The following ZNF611 variants were observed in gnomAD, a reference collection of about 807,000 sequenced individuals.
ZNF611 encodes the protein zinc finger protein 611.
A neutral mutation model predicts 8.9 loss-of-function variants in ZNF611; 6 were observed. The ratio of observed to expected loss-of-function variants is 0.68; its 90% CI spans 0.37 to 1.34. The LOEUF is 1.34. ZNF611 is among the 40% of genes most tolerant of loss of function. The pLI, the probability that ZNF611 is intolerant of heterozygous loss-of-function variation, is 0.02. For missense variants in ZNF611, 874 were observed against 841.3 expected (o/e 1.04, Z -0.48); for synonymous variants, 262 against 279.7 (o/e 0.94, Z 0.63).
At chr19:52,716,111 C>G (rs2062315597) in intron 3 of ZNF611, 198 bp from the exon 4 acceptor site, 1 of 596,280 alleles carries the variant, frequency 1.7e-6, no homozygotes, top group Admixed American at 3.1e-5. Flanking sequence ...CAGATCTCAC[C>G]TCTCTCCTGG....
chr19:52,712,500 A>G (rs919819227), intron 5 of ZNF611, among the ~76,000 whole-genome samples: 14 of 139,850 alleles, frequency 1.0e-4, no homozygotes, highest in Admixed American at 1.5e-4. Flanking sequence ...TTGGCCGGGC[A>G]TGGTGATGCA....
At chr19:52,732,176 A>C (rs2062429756) in intron 1 of ZNF611, among the ~76,000 whole-genome samples, 1 of 152,054 alleles carries the variant, frequency 6.6e-6, no homozygotes, top group Non-Finnish European at 1.5e-5. Flanking sequence ...AGGCTGAGGC[A>C]GGAGAATGGC....
At position 52,704,561 on chromosome 19, in the gene ZNF611, T is replaced by A. The variant is rs944898665; in HGVS notation, c.*376A>T. ...GTATGAGTTCACCGATGACCTGCAA[T>A]ATGTGAACGATCTCTGAAAAATTTG... On this transcript the variant is annotated 3_prime_UTR_variant, in exon 6 of 6. Coordinates refer to ENST00000652185, the MANE Select transcript of ZNF611 (RefSeq NM_001161499.2). The A allele has an allele frequency of 4.2e-6, 6 of 1,426,468 alleles. No homozygotes were observed. In the African/African-American group the frequency reaches 8.4e-5, roughly 20 times the overall value. The allele number at this position is 1,426,468 out of a possible 1,614,324, so 88.4% of individuals were successfully genotyped here.
intron 4 of ZNF611, among the ~76,000 whole-genome samples, chr19:52,714,442 C>A (rs1340742877): frequency 6.6e-6 from 1 of 151,938 alleles, no homozygotes; most frequent in East Asian, 1.9e-4. Flanking sequence ...AATCCCAACA[C>A]TTCAGGAGGC....
Position 52,704,432 on chromosome 19 carries a change from A to T in ZNF611, c.*505T>A, listed in dbSNP as rs1290998046. 1 of 711,962 alleles carries T rather than the reference A, an allele frequency of 1.4e-6. No individual in the cohort carries two copies. The highest frequency in any genetic ancestry group is 1.7e-5 in the African/African-American group (1 of 57,622). The allele number at this position is 711,962 out of a possible 1,614,324, so 44.1% of individuals were successfully genotyped here. Reference sequence around the variant, plus strand: ...GCAAAGGCTTTGCCACAATCATCACACTTGTGAGGTTTCTCTCCTGTATAA... The same window carrying T: ...GCAAAGGCTTTGCCACAATCATCACTCTTGTGAGGTTTCTCTCCTGTATAA... On this transcript the variant is annotated 3_prime_UTR_variant, in exon 6 of 6. Coordinates refer to ENST00000652185, the MANE Select transcript of ZNF611 (RefSeq NM_001161499.2).
At chr19:52,731,694 G>C (rs2062426497) in intron 1 of ZNF611, among the ~76,000 whole-genome samples, 1 of 152,092 alleles carries the variant, frequency 6.6e-6, no homozygotes. Context: ...CTATGGGCTA[G>C]GCGTGGTGGC....
At chr19:52,732,723 T>A (rs1321380671) in intron 1 of ZNF611, among the ~76,000 whole-genome samples, 1 of 150,552 alleles carries the variant, frequency 6.6e-6, no homozygotes, top group Non-Finnish European at 1.5e-5. Context: ...GGCAGGAGGA[T>A]CCTTTGAGCC....
chr19:52,709,571 CTT>C (rs925757521), intron 5 of ZNF611, among the ~76,000 whole-genome samples: 5 of 142,836 alleles, frequency 3.5e-5, no homozygotes, highest in Non-Finnish European at 6.2e-5. Flanking sequence ...TGCCCGGACT[CTT>C]TATTTATTTT....
In ZNF611 at chr19:52,705,906, T is replaced by G; in HGVS notation, c.1149A>C (p.Ser383=). 6.2e-7 allele frequency: 1 copy of G among 1,614,224 alleles called. No homozygotes were observed. ...EECDKVFSRK[S]TIETHKRIHT... ...GAATTCTCTTATGTGTCTCAATGGT[T>G]GATTTCCGACTGAAAACTTTGTCAC... is the stretch of plus-strand genomic sequence containing the variant. The change falls in exon 6 of 6, where the codon TCA becomes TCC. Residue 383 remains serine, a synonymous_variant. Transcript: ENST00000652185.
At chr19:52,717,385 A>G (rs778840695) in intron 3 of ZNF611, among the ~76,000 whole-genome samples, 1 of 152,230 alleles carries the variant, frequency 6.6e-6, no homozygotes, top group Non-Finnish European at 1.5e-5. Context: ...TGTCACTTGC[A>G]GCTGAGGGGA....
chr19:52,705,691 T>C lies in ZNF611; in HGVS notation c.1364A>G (p.Lys455Arg). 1 of 1,613,924 alleles carries C rather than the reference T, an allele frequency of 6.2e-7. No individual in the cohort carries two copies. The highest frequency in any genetic ancestry group is 8.5e-7 in the Non-Finnish European group (1 of 1,179,902). The change falls in exon 6 of 6, where the codon AAA (lysine) becomes AGA (arginine). Residue 455 changes from lysine (K) to arginine (R), a missense_variant. Coordinates refer to ENST00000652185, the MANE Select transcript of ZNF611 (RefSeq NM_001161499.2). ...HRLHGGEKSY[K>R]CKVCDKAFVW... The stretch of plus-strand genomic sequence containing the variant: ...AAAAGCCTTGTCACAAACCTTACAT[T>C]TGTAAGATTTCTCTCCACCATGAAG...
intron 5 of ZNF611, chr19:52,707,273 C>T (rs1022561874): frequency 1.3e-5 from 2 of 156,666 alleles, no homozygotes; most frequent in African/African-American, 4.8e-5. Flanking sequence ...AAAAAACTCC[C>T]CACACAACAT....
rs76210810 is a variant in ZNF611 at position 52,705,962 on chromosome 19, T to A, written c.1093A>T (p.Thr365Ser). The change falls in exon 6 of 6, where the codon ACT (threonine) becomes TCT (serine). Residue 365 changes from threonine to serine, a missense_variant. Thr to Ser is a moderately conservative substitution (Grantham distance 58). Coordinates refer to ENST00000652185, the MANE Select transcript of ZNF611 (RefSeq NM_001161499.2). ...QSQLSHHRIH[T>S]GEKPYKCEEC... ...TCACATTTGTAAGGTTTCTCTCCAGTATGAATTCTATGATGTGAAAGTTGT... is the reference window on the plus strand; with the variant it reads ...TCACATTTGTAAGGTTTCTCTCCAGAATGAATTCTATGATGTGAAAGTTGT... 1 of 1,614,164 alleles carries A rather than the reference T, an allele frequency of 6.2e-7. No individual in the cohort carries two copies. The highest frequency in any genetic ancestry group is 2.2e-5 in the East Asian group (1 of 44,882).
At chr19:52,717,777 G>A (rs899464072) in intron 3 of ZNF611, 1 of 813,334 alleles carries the variant, frequency 1.2e-6, no homozygotes, top group Non-Finnish European at 1.5e-6. Context: ...GATGATATGA[G>A]GAAAGAAAAT....
intron 3 of ZNF611, among the ~76,000 whole-genome samples, chr19:52,728,082 A>C (rs977206754): frequency 2.0e-5 from 3 of 151,524 alleles, no homozygotes; most frequent in Admixed American, 2.0e-4. Context: ...AATTTTTTTG[A>C]ATTTTTAGTA....
At chr19:52,731,265 T>A (rs1191793536) in intron 1 of ZNF611, among the ~76,000 whole-genome samples, 1 of 152,058 alleles carries the variant, frequency 6.6e-6, no homozygotes, top group Admixed American at 6.5e-5. Context: ...CAGGGTTTCA[T>A]CATGTAGGCC....
intron 1 of ZNF611, among the ~76,000 whole-genome samples, chr19:52,730,596 C>T (rs1191499331): frequency 1.3e-5 from 2 of 151,684 alleles, no homozygotes; most frequent in African/African-American, 4.8e-5. Context: ...TATTTGTTTA[C>T]TTTTTGAGAC....
Position 52,706,405 on chromosome 19 carries a change from A to G in ZNF611, c.650T>C (p.Leu217Ser). ...GTGTACTTCCTGTTTTTGTGGGAGT[A>G]ATGAAGAATTCAGGGGATTATTCCC... ...NYGNNPLNSS[L>S]LPQKQEVHMR... Residue 217 changes from leucine (L) to serine (S), a missense_variant, in exon 6 of 6, where the codon TTA becomes TCA. Leu to Ser is a moderately radical substitution (Grantham distance 145). Coordinates refer to ENST00000652185, the MANE Select transcript of ZNF611 (RefSeq NM_001161499.2). The G allele has an allele frequency of 6.2e-7, 1 of 1,614,216 alleles. No individual in the cohort carries two copies. The highest frequency in any genetic ancestry group is 1.1e-5 in the South Asian group (1 of 91,086).
chr19:52,720,875 G>A (rs185063629), intron 3 of ZNF611: 310 of 151,306 alleles, frequency 2.0e-3, no homozygotes, highest in Non-Finnish European at 3.6e-3. Flanking sequence ...GGGCAGAGGC[G>A]TTCCTCACCT....
Sources: allele counts gnomAD v4.1 joint callset (sites outside exome capture counted in the v4.1 genomes callset), GRCh38; gene constraint gnomAD v4.1.1; transcripts MANE v1.5; gene names NCBI Gene and HGNC (gene_info 2026-07-23, HGNC 2026-07-21).